The following XIRP2 variants were observed in gnomAD, a reference collection of about 807,000 sequenced individuals.
XIRP2 encodes xin actin-binding repeat-containing protein 2.
In XIRP2, 236 loss-of-function variants were observed where a neutral mutation model predicts 277.0. That is an observed-to-expected ratio of 0.85 (90% CI 0.77 to 0.95). The LOEUF is 0.95. Ranked by LOEUF, XIRP2 falls within the 40% of genes least tolerant of loss-of-function variation. XIRP2 has a pLI of 0.00. For synonymous variants in XIRP2, 1,490 were observed against 1,416.5 expected (o/e 1.05, Z -1.17); for missense variants, 4,640 against 4,157.5 (o/e 1.12, Z -3.19).
intron 1 of XIRP2, among the ~76,000 whole-genome samples, chr2:166,899,105 T>A (rs903467412): frequency 6.6e-6 from 1 of 152,150 alleles, no homozygotes; most frequent in African/African-American, 2.4e-5. Context: ...TGTCTTTCTA[T>A]GAGTTACTTA....
In XIRP2 at chr2:167,259,180, G is replaced by T. The variant is rs759841457; in HGVS notation, c.*1363G>T. On this transcript the variant is annotated 3_prime_UTR_variant, in exon 11 of 11. Coordinates refer to ENST00000409195, the MANE Select transcript of XIRP2 (RefSeq NM_152381.6). ...GCTTGGATTTAAGGGAATTTGGAAA[G>T]GATGTTAAACCTTGGCATGTTGAAA... 8.7e-6 allele frequency: 14 copies of T among 1,613,284 alleles called. No homozygotes were observed. In the South Asian group the frequency reaches 1.4e-4, roughly 16 times the overall value.
intron 3 of XIRP2, among the ~76,000 whole-genome samples, chr2:167,166,344 T>G (rs1351051589): frequency 1.3e-5 from 2 of 152,192 alleles, no homozygotes. Context: ...TTCTATTCTT[T>G]TAAATTTAGA....
At chr2:167,111,064 G>C (rs1690738327) in intron 2 of XIRP2, among the ~76,000 whole-genome samples, 1 of 152,094 alleles carries the variant, frequency 6.6e-6, no homozygotes, top group African/African-American at 2.4e-5. Flanking sequence ...TCAGATCAAG[G>C]AGCTTTTGGA....
At chr2:166,971,060 T>A (rs553880187) in intron 2 of XIRP2, among the ~76,000 whole-genome samples, 1 of 151,992 alleles carries the variant, frequency 6.6e-6, no homozygotes. Context: ...AAATATTAGG[T>A]ACACATTAAG....
intron 3 of XIRP2, among the ~76,000 whole-genome samples, chr2:167,156,803 C>T (rs1294028532): frequency 6.6e-6 from 1 of 152,068 alleles, no homozygotes; most frequent in African/African-American, 2.4e-5. Context: ...GTATGAGAAG[C>T]TGACCTATCA....
At chr2:166,988,310 T>C (rs535357362) in intron 2 of XIRP2, among the ~76,000 whole-genome samples, 60 of 152,262 alleles carry the variant, frequency 3.9e-4, no homozygotes, top group African/African-American at 1.4e-3. Flanking sequence ...CAGTATTCTT[T>C]AGAAGTATCA....
intron 2 of XIRP2, among the ~76,000 whole-genome samples, chr2:166,909,425 A>G (rs1027648273): frequency 6.6e-5 from 10 of 151,976 alleles, no homozygotes; most frequent in African/African-American, 2.4e-4. Context: ...TTTGTCTGTT[A>G]TTGGTGTATA....
chr2:167,003,481 G>T (rs983355170), intron 2 of XIRP2, among the ~76,000 whole-genome samples: 4 of 151,832 alleles, frequency 2.6e-5, no homozygotes, highest in African/African-American at 9.7e-5. Context: ...TCAAGTATCT[G>T]TGTGTGGAGA....
chr2:167,094,337 A>G (rs1193643570), intron 2 of XIRP2, among the ~76,000 whole-genome samples: 2 of 152,088 alleles, frequency 1.3e-5, no homozygotes, highest in Admixed American at 1.3e-4. Flanking sequence ...CCGTTTGTCA[A>G]TTTTGGCTTT....
intron 2 of XIRP2, among the ~76,000 whole-genome samples, chr2:167,073,560 A>G (rs1049163368): frequency 6.6e-6 from 1 of 152,116 alleles, no homozygotes; most frequent in Admixed American, 6.5e-5. Flanking sequence ...CAGTGTCATT[A>G]TATTCATTAT....
In XIRP2 at chr2:166,902,077, C is replaced by G. The variant is rs541950405; in HGVS notation, c.-18-1388C>G. Among the ~76,000 whole-genome samples, 4 of 152,134 alleles carry G rather than the reference C, an allele frequency of 2.6e-5. No homozygotes were observed. The South Asian group carries it at 6.2e-4, about 24-fold the overall frequency. On this transcript the variant is annotated intron_variant, in intron 1 of 10. Transcript: ENST00000409195. Reference sequence around the variant, plus strand: ...AAATAAAGCCATGATGTATATTTTACCAGTGAAGATTTTTCAAGGTCACAC... The same window carrying G: ...AAATAAAGCCATGATGTATATTTTAGCAGTGAAGATTTTTCAAGGTCACAC...
At chr2:167,009,237 C>A (rs1425894971) in intron 2 of XIRP2, among the ~76,000 whole-genome samples, 4 of 127,624 alleles carry the variant, frequency 3.1e-5, no homozygotes, top group African/African-American at 1.2e-4. Flanking sequence ...CAACAGTCCC[C>A]AGAGTGTGAT....
At position 167,246,760 on chromosome 2, in the gene XIRP2, C is replaced by G. The variant is rs748129407; in HGVS notation, c.5368C>G (p.Leu1790Val). 1.2e-6 allele frequency: 2 copies of G among 1,613,808 alleles called. No individual in the cohort carries two copies. The highest frequency in any genetic ancestry group is 1.7e-6 in the Non-Finnish European group (2 of 1,179,828). ...TGGTGGTGATGTTGAAGGTACAAAACTGTTACTGAAGAAAAGGCAGTCTCT... is the reference window on the plus strand; with the variant it reads ...TGGTGGTGATGTTGAAGGTACAAAAGTGTTACTGAAGAAAAGGCAGTCTCT... Reference protein sequence around the residue: ...IIGGDVEGTKLLLKKRQSLVE... With the variant: ...IIGGDVEGTKVLLKKRQSLVE... The change falls in exon 9 of 11, where the codon CTG becomes GTG. Residue 1790 changes from leucine (L) to valine (V), a missense_variant. Transcript: ENST00000409195.
At chr2:166,913,426 C>T (rs142346843) in intron 2 of XIRP2, among the ~76,000 whole-genome samples, 30 of 152,196 alleles carry the variant, frequency 2.0e-4, no homozygotes, top group Admixed American at 9.8e-4. Context: ...ATATAATCTC[C>T]TGGGGTGCCA....
chr2:167,195,962 C>G (rs1693493012), intron 3 of XIRP2, among the ~76,000 whole-genome samples: 1 of 152,148 alleles, frequency 6.6e-6, no homozygotes, highest in Non-Finnish European at 1.5e-5. Context: ...GCCCCCAATT[C>G]TGGCTAAATC....
intron 1 of XIRP2, among the ~76,000 whole-genome samples, chr2:166,901,021 A>G (rs553092478): frequency 1.3e-5 from 2 of 152,194 alleles, no homozygotes; most frequent in African/African-American, 4.8e-5. Flanking sequence ...AAAAGCCAGA[A>G]ACTTACACTC....
rs1351237525 is a variant in XIRP2 at position 167,243,526 on chromosome 2, G to T, written c.2134G>T (p.Glu712Ter). ...ACTTGGACAGCTTCATTCAGTGGAT[G>T]AGGTTCATTTACTGCAGCTTAGGTC... ...DQLGQLHSVD[E>*]VHLLQLRSEL... Residue 712 changes from glutamate (E) to a stop codon, truncating the protein, a stop_gained, in exon 9 of 11, where the codon GAG becomes TAG. Coordinates refer to ENST00000409195, the MANE Select transcript of XIRP2 (RefSeq NM_152381.6). LOFTEE classifies it high-confidence loss of function. The T allele has an allele frequency of 6.2e-7, 1 of 1,613,926 alleles. No homozygotes were observed. Among genetic ancestry groups the T allele is most frequent in the East Asian group, 2.2e-5 (1 of 44,886 alleles).
In XIRP2 at chr2:167,251,851, A is replaced by C. The variant is rs751123932; in HGVS notation, c.10459A>C (p.Ser3487Arg). The change falls in exon 9 of 11, where the codon AGT becomes CGT. Residue 3487 changes from serine to arginine, a missense_variant. By Grantham distance (110) the Ser-to-Arg change is moderately radical (BLOSUM62 -1). Coordinates refer to ENST00000409195, the MANE Select transcript of XIRP2 (RefSeq NM_152381.6). The stretch of plus-strand genomic sequence containing the variant: ...AAATTTTCAAAAGACGTGGCAAGAG[A>C]GTGGAAGAGTTTTTAAAGGCCTGGG... ...RKNFQKTWQESGRVFKGLGYA... is the reference protein window; with the variant it reads ...RKNFQKTWQERGRVFKGLGYA... The C allele has an allele frequency of 1.2e-5, 20 of 1,612,440 alleles. No individual in the cohort carries two copies. The highest frequency in any genetic ancestry group is 2.7e-5 in the African/African-American group (2 of 74,744).
chr2:167,249,436 T>A lies in XIRP2; in HGVS notation c.8044T>A (p.Cys2682Ser). 1 of 1,613,830 alleles carries A rather than the reference T, an allele frequency of 6.2e-7. No homozygotes were observed. Among genetic ancestry groups the A allele is most frequent in the Non-Finnish European group, 8.5e-7 (1 of 1,179,840 alleles). The change falls in exon 9 of 11, where the codon TGT becomes AGT. Residue 2682 changes from cysteine to serine, a missense_variant. Transcript: ENST00000409195. ...CGAAATTAAACAAAGTCACCAAGAA[T>A]GTAGTACCCAACAAACACAACAGAA... ...ACEIKQSHQE[C>S]STQQTQQKKY...
Sources: gnomAD v4.1 joint callset for allele counts (sites outside exome capture counted in the v4.1 genomes callset) on GRCh38, gnomAD v4.1.1 for gene constraint, MANE v1.5 for transcripts, NCBI Gene and HGNC (gene_info 2026-07-23, HGNC 2026-07-21) for gene names.